SPOCK1: variants seen among roughly 807,000 people sequenced by gnomAD.
SPOCK1 encodes testican-1.
A neutral mutation model predicts 55.3 loss-of-function variants in SPOCK1; 23 were observed. The observed-to-expected ratio is 0.42, with a 90% confidence interval of 0.30 to 0.59. The LOEUF (loss-of-function observed/expected upper bound fraction) is 0.59, where lower values mean the gene tolerates loss of function less well. Among genes scored for constraint, SPOCK1 ranks in the 20% least tolerant of loss-of-function variants. The probability of loss-of-function intolerance (pLI) is 0.22; values close to 1 mark genes in which losing one functional copy is unlikely to be tolerated. For synonymous variants in SPOCK1, 226 were observed against 221.0 expected (o/e 1.02, Z -0.20); for missense variants, 499 against 552.5 (o/e 0.90, Z 0.97).
chr5:137,269,742 G>A (rs1215996216), intron 2 of SPOCK1, among the ~76,000 whole-genome samples: 1 of 151,948 alleles, frequency 6.6e-6, no homozygotes, highest in Admixed American at 6.6e-5. Flanking sequence ...AAAAAGAATG[G>A]CTCCTCTAGA....
chr5:137,196,080 C>T (rs1442069657), intron 3 of SPOCK1, among the ~76,000 whole-genome samples: 4 of 152,192 alleles, frequency 2.6e-5, no homozygotes, highest in Non-Finnish European at 5.9e-5. Flanking sequence ...TGAAGGATCT[C>T]AAGAAATAGA....
At chr5:137,171,796 C>G (rs1754759106) in intron 3 of SPOCK1, among the ~76,000 whole-genome samples, 1 of 152,178 alleles carries the variant, frequency 6.6e-6, no homozygotes, top group Admixed American at 6.5e-5. Flanking sequence ...GAAACTGATG[C>G]TAGTGTGAAT....
intron 3 of SPOCK1, among the ~76,000 whole-genome samples, chr5:137,253,623 C>G (rs1756579724): frequency 1.3e-5 from 2 of 152,220 alleles, no homozygotes; most frequent in Non-Finnish European, 2.9e-5. Context: ...ATGTGGCTGT[C>G]TACTCTTACA....
chr5:137,353,496 C>A (rs1002355793), intron 2 of SPOCK1, among the ~76,000 whole-genome samples: 1 of 152,162 alleles, frequency 6.6e-6, no homozygotes, highest in African/African-American at 2.4e-5. Context: ...TCTGCTGACC[C>A]CACACCTGCC....
chr5:136,992,230 A>G (rs1220030058), intron 7 of SPOCK1, among the ~76,000 whole-genome samples: 4 of 152,214 alleles, frequency 2.6e-5, no homozygotes, highest in African/African-American at 9.7e-5. Context: ...ACGCTGTTTC[A>G]TATATGACAC....
intron 2 of SPOCK1, among the ~76,000 whole-genome samples, chr5:137,357,868 A>G (rs1030327946): frequency 1.3e-5 from 2 of 151,956 alleles, no homozygotes; most frequent in African/African-American, 4.8e-5. Flanking sequence ...TTAATAATCC[A>G]CCTTTCATCA....
At chr5:137,072,367 A>T (rs1752636979) in intron 5 of SPOCK1, among the ~76,000 whole-genome samples, 1 of 152,244 alleles carries the variant, frequency 6.6e-6, no homozygotes, top group African/African-American at 2.4e-5. Flanking sequence ...TATTATAAAT[A>T]CAAACCCCTG....
intron 5 of SPOCK1, among the ~76,000 whole-genome samples, chr5:137,109,789 A>AC (rs1247920716): frequency 2.0e-5 from 3 of 152,008 alleles, no homozygotes; most frequent in Non-Finnish European, 4.4e-5. Flanking sequence ...TTTAAAGGAC[A>AC]CCCCCTCAGA....
In SPOCK1 at chr5:136,988,464, G is replaced by C. The variant is rs777793982; in HGVS notation, c.886C>G (p.Leu296Val). Reference protein sequence around the residue: ...NSCDSFKDGKLSNNEWCYCFQ... With the variant: ...NSCDSFKDGKVSNNEWCYCFQ... ...CAGTAGCACCACTCATTGTTAGAAA[G>C]CTTGCCATCCTTGAAGGAGTCACAC... is the stretch of plus-strand genomic sequence containing the variant. The change falls in exon 8 of 11, where the codon CTT becomes GTT. Residue 296 changes from leucine to valine, a missense_variant. Coordinates refer to ENST00000394945, the MANE Select transcript of SPOCK1 (RefSeq NM_004598.4). The C allele has an allele frequency of 6.2e-7, 1 of 1,614,146 alleles. No homozygotes were observed. The highest frequency in any genetic ancestry group is 8.5e-7 in the Non-Finnish European group (1 of 1,180,004).
rs141692896 is a variant in SPOCK1 at position 137,285,214 on chromosome 5, C to T, written c.187-18159G>A. On this transcript the variant is annotated intron_variant, in intron 2 of 10. Transcript: ENST00000394945. ...AAATTTGATTTTGGTCATTGCTTGT[C>T]TTCCTGCTGGTCCTTGCATTCTTCT... Among the ~76,000 whole-genome samples the T allele has an allele frequency of 6.3e-3, 956 of 152,350 alleles. 4 individuals are homozygous for T. Among genetic ancestry groups the T allele is most frequent in the African/African-American group, 0.023 (937 of 41,578 alleles).
intron 6 of SPOCK1, among the ~76,000 whole-genome samples, chr5:137,013,321 A>G (rs1276321356): frequency 6.6e-6 from 1 of 152,246 alleles, no homozygotes; most frequent in East Asian, 1.9e-4. Context: ...GCTGGAGATC[A>G]GAACAGACTA....
chr5:137,350,822 C>T (rs1229730), intron 2 of SPOCK1, among the ~76,000 whole-genome samples: 65,365 of 151,638 alleles, frequency 0.43, 14,397 homozygotes, highest in East Asian at 0.59. Context: ...TGTGTGTCCA[C>T]GCACGTGTGC....
rs201626793 is a variant in SPOCK1 at position 137,052,281 on chromosome 5, T to TA, written c.589+15433_589+15434insT. 5.1e-3 allele frequency among the ~76,000 whole-genome samples: 774 copies of TA among 152,346 alleles called. 6 individuals carry two copies. The highest frequency in any genetic ancestry group is 0.017 in the African/African-American group (722 of 41,588). Reference sequence around the variant, plus strand: ...ATACACCCTCTTTTGTTTAAACCACTGTTATTTAGGTTCAGGAGTGTCAGT... The same window carrying TA: ...ATACACCCTCTTTTGTTTAAACCACTAGTTATTTAGGTTCAGGAGTGTCAGT... On this transcript the variant is annotated intron_variant, in intron 6 of 10. Coordinates refer to ENST00000394945, the MANE Select transcript of SPOCK1 (RefSeq NM_004598.4).
chr5:137,155,620 C>A (rs1015906616), intron 3 of SPOCK1, among the ~76,000 whole-genome samples: 1 of 152,220 alleles, frequency 6.6e-6, no homozygotes, highest in Non-Finnish European at 1.5e-5. Context: ...ATTTTTGGCA[C>A]CAGATCCCAC....
intron 6 of SPOCK1, among the ~76,000 whole-genome samples, chr5:137,033,957 T>C (rs1481048239): frequency 6.6e-6 from 1 of 152,232 alleles, no homozygotes; most frequent in Non-Finnish European, 1.5e-5. Flanking sequence ...TGTTTTATAA[T>C]AGTATCATCA....
At chr5:137,331,320 C>T (rs1000442451) in intron 2 of SPOCK1, among the ~76,000 whole-genome samples, 3 of 152,148 alleles carry the variant, frequency 2.0e-5, no homozygotes, top group African/African-American at 7.2e-5. Flanking sequence ...GTCTTCTGAA[C>T]CCCTGCAACT....
chr5:136,994,762 C>G (rs1354184372), intron 6 of SPOCK1, among the ~76,000 whole-genome samples: 1 of 151,480 alleles, frequency 6.6e-6, no homozygotes, highest in Non-Finnish European at 1.5e-5. Flanking sequence ...CCTGTAATCC[C>G]AGCACTTTGA....
intron 9 of SPOCK1, among the ~76,000 whole-genome samples, chr5:136,982,181 G>A (rs758035543): frequency 6.6e-6 from 1 of 152,124 alleles, no homozygotes; most frequent in Non-Finnish European, 1.5e-5. Flanking sequence ...CTGTCATTAA[G>A]CAAGGCATGT....
intron 2 of SPOCK1, among the ~76,000 whole-genome samples, chr5:137,470,857 G>A (rs1448126961): frequency 2.0e-5 from 3 of 152,138 alleles, no homozygotes; most frequent in Non-Finnish European, 4.4e-5. Flanking sequence ...CCAGCCTCAC[G>A]GGAAGCAGAT....
Sources: allele counts gnomAD v4.1 joint callset (sites outside exome capture counted in the v4.1 genomes callset), GRCh38; gene constraint gnomAD v4.1.1; transcripts MANE v1.5; gene names NCBI Gene and HGNC (gene_info 2026-07-23, HGNC 2026-07-21).